The following ASAP3 variants were observed in gnomAD, a reference collection of about 807,000 sequenced individuals.
ASAP3 encodes the protein arf-GAP with SH3 domain, ANK repeat and PH domain-containing protein 3.
A neutral mutation model predicts 118.2 loss-of-function variants in ASAP3; 85 were observed. The observed-to-expected ratio is 0.72, with a 90% CI of 0.60 to 0.86. The LOEUF (loss-of-function observed/expected upper bound fraction) is 0.86, where lower values mean the gene tolerates loss of function less well. ASAP3 is among the 40% of genes least tolerant of loss of function. The pLI is 0.00. For synonymous variants in ASAP3, 432 were observed against 477.4 expected (o/e 0.90, Z 1.24); for missense variants, 1,026 against 1,175.0 (o/e 0.87, Z 1.85).
chr1:23,467,810 G>A (rs1435980092), intron 1 of ASAP3, among the ~76,000 whole-genome samples: 2 of 151,848 alleles, frequency 1.3e-5, no homozygotes, highest in African/African-American at 4.8e-5. Flanking sequence ...AAAATTAGCT[G>A]GGTGTGGTGG....
chr1:23,443,713 T>A (rs1640953100), intron 5 of ASAP3, among the ~76,000 whole-genome samples: 1 of 151,278 alleles, frequency 6.6e-6, no homozygotes, highest in African/African-American at 2.4e-5. Flanking sequence ...TTTTTTTTTT[T>A]TCAGACGGAG....
At chr1:23,439,024 C>T in intron 11 of ASAP3, 137 bp downstream of exon 11, 1 of 1,189,644 alleles carries the variant, frequency 8.4e-7, no homozygotes, top group South Asian at 1.4e-5. Flanking sequence ...CCCATCTGTC[C>T]TCCCAAACGG....
intron 10 of ASAP3, among the ~76,000 whole-genome samples, chr1:23,440,855 CAAAA>C (rs35532104): frequency 4.5e-5 from 5 of 109,926 alleles, no homozygotes; most frequent in East Asian, 2.6e-4. Flanking sequence ...GACTCTATCT[CAAAA>C]AAAAAAAAAA....
intron 24 of ASAP3, 47 bp from the exon 25 acceptor site, chr1:23,429,977 T>C: frequency 6.7e-7 from 1 of 1,492,752 alleles, no homozygotes. Context: ...ACCTGTAACA[T>C]ACCAGGTGTT....
intron 1 of ASAP3, among the ~76,000 whole-genome samples, chr1:23,468,870 C>CAAAAAAA (rs1172330542): frequency 4.2e-5 from 2 of 47,356 alleles, no homozygotes; most frequent in Non-Finnish European, 7.8e-5. Context: ...GACTCCATCT[C>CAAAAAAA]AAAAAAAAAA....
At chr1:23,439,666 G>C (rs1640795037) in intron 10 of ASAP3, among the ~76,000 whole-genome samples, 1 of 152,172 alleles carries the variant, frequency 6.6e-6, no homozygotes. Context: ...GCAAGTCCAT[G>C]ATCCAAAACT....
At chr1:23,453,634 G>T (rs749504194) in intron 3 of ASAP3, among the ~76,000 whole-genome samples, 2 of 151,974 alleles carry the variant, frequency 1.3e-5, no homozygotes, top group African/African-American at 2.4e-5. Context: ...CTGTGATTTC[G>T]CAACCTAAAG....
In ASAP3 at chr1:23,436,622, A is replaced by T; in HGVS notation, c.1509T>A (p.Asn503Lys). The change falls in exon 16 of 25, where the codon AAT (asparagine) becomes AAA (lysine). Residue 503 changes from asparagine to lysine, a missense_variant. By Grantham distance (94) the Asn-to-Lys change is moderately conservative. Transcript: ENST00000336689. This position sits in a 1 kb window ranked among gnomAD's most constrained non-coding sequence, Gnocchi z 4.2. ...LALNMGNTSF[N>K]EVMEAQLPSH... ...AGGGTAGCTGGGCCTCCATGACCTC[A>T]TTGAAGCTCGTGTTTCCCATGTTCA... The T allele has an allele frequency of 1.2e-6, 2 of 1,614,208 alleles. No homozygotes were observed. The highest frequency in any genetic ancestry group is 1.7e-6 in the Non-Finnish European group (2 of 1,180,034).
intron 5 of ASAP3, among the ~76,000 whole-genome samples, chr1:23,449,758 C>T (rs569255542): frequency 1.3e-5 from 2 of 152,272 alleles, no homozygotes; most frequent in Admixed American, 1.3e-4. Flanking sequence ...CTCAGCCAAG[C>T]CCCCTTTCCC....
intron 1 of ASAP3, among the ~76,000 whole-genome samples, chr1:23,458,092 T>C (rs1641446857): frequency 6.6e-6 from 1 of 152,174 alleles, no homozygotes; most frequent in Admixed American, 6.5e-5. Flanking sequence ...CTTGAGACAC[T>C]TTCATATTTG....
Position 23,437,106 on chromosome 1 carries a change from C to T in ASAP3, c.1342+24G>A. 3.7e-6 allele frequency: 6 copies of T among 1,601,130 alleles called. No homozygotes were observed. The highest frequency in any genetic ancestry group is 4.3e-6 in the Non-Finnish European group (5 of 1,173,576). On this transcript the variant is annotated intron_variant, in intron 14 of 24. Transcript: ENST00000336689. This position sits in a 1 kb window ranked among gnomAD's most constrained non-coding sequence, Gnocchi z 6.1. Reference sequence around the variant, plus strand: ...CCCTCCCCTCCACTTAAGCCTCCCTCCTGCCCCGGCCCCGGGGACCGACCT... The same window carrying T: ...CCCTCCCCTCCACTTAAGCCTCCCTTCTGCCCCGGCCCCGGGGACCGACCT...
intron 1 of ASAP3, among the ~76,000 whole-genome samples, chr1:23,476,256 G>C (rs962093215): frequency 4.0e-5 from 6 of 151,638 alleles, no homozygotes; most frequent in Non-Finnish European, 8.8e-5. Flanking sequence ...TGAGGCAGGA[G>C]AATCGCTTGA....
At chr1:23,430,831 T>C (rs1302585505) in intron 24 of ASAP3, among the ~76,000 whole-genome samples, 1 of 151,678 alleles carries the variant, frequency 6.6e-6, no homozygotes, top group South Asian at 2.1e-4. Context: ...GGCCAAACCG[T>C]GGCCACCTGG....
chr1:23,440,841 G>A (rs1326128696), intron 10 of ASAP3, among the ~76,000 whole-genome samples: 3 of 134,332 alleles, frequency 2.2e-5, no homozygotes, highest in African/African-American at 8.3e-5. Context: ...GGGCGACAGA[G>A]TGAGACTCTA....
At chr1:23,465,722 G>A (rs1305297268) in intron 1 of ASAP3, among the ~76,000 whole-genome samples, 3 of 151,942 alleles carry the variant, frequency 2.0e-5, no homozygotes, top group Non-Finnish European at 4.4e-5. Context: ...GGCTGGTCTC[G>A]AACTCCCGAC....
At chr1:23,458,717 G>T (rs1641471679) in intron 1 of ASAP3, among the ~76,000 whole-genome samples, 1 of 152,032 alleles carries the variant, frequency 6.6e-6, no homozygotes, top group Admixed American at 6.6e-5. Flanking sequence ...AAAAAAAGAG[G>T]CAAGAACATG....
chr1:23,461,707 T>C (rs1311337067), intron 1 of ASAP3, among the ~76,000 whole-genome samples: 2 of 149,812 alleles, frequency 1.3e-5, no homozygotes, highest in African/African-American at 4.9e-5. Context: ...AAAAGGGGAA[T>C]GCAAGGGTAC....
intron 1 of ASAP3, among the ~76,000 whole-genome samples, chr1:23,481,156 G>C (rs1335725928): frequency 6.6e-6 from 1 of 152,188 alleles, no homozygotes; most frequent in African/African-American, 2.4e-5. Flanking sequence ...TTATCTGAGA[G>C]AGTTTCTAGC....
chr1:23,472,383 C>G (rs1019075181), intron 1 of ASAP3, among the ~76,000 whole-genome samples: 2 of 152,074 alleles, frequency 1.3e-5, no homozygotes, highest in African/African-American at 4.8e-5. Context: ...TGTTTGAGAC[C>G]AGGGTGGTCT....
Sources: gnomAD v4.1 joint callset for allele counts (sites outside exome capture counted in the v4.1 genomes callset) on GRCh38, gnomAD v4.1.1 for gene constraint, Gnocchi (gnomAD v3.1) non-coding constraint, MANE v1.5 for transcripts, NCBI Gene and HGNC (gene_info 2026-07-23, HGNC 2026-07-21) for gene names.